Variants in PHLDB1 observed in about 807,000 individuals in gnomAD.
The protein encoded by PHLDB1 is pleckstrin homology like domain family B member 1.
In PHLDB1, 65 loss-of-function variants were observed where a neutral mutation model predicts 139.3. The observed-to-expected ratio is 0.47, with a 90% CI of 0.38 to 0.57. The LOEUF is 0.57. Among genes scored for constraint, PHLDB1 ranks in the 20% least tolerant of loss-of-function variants. PHLDB1 has a pLI of 0.00. For missense variants in PHLDB1, 1,624 were observed against 1,839.7 expected, an observed-to-expected ratio of 0.88 and a Z score of 2.14; for synonymous variants, 679 against 734.5, an observed-to-expected ratio of 0.92 and a Z score of 1.22.
intron 6 of PHLDB1, among the ~76,000 whole-genome samples, chr11:118,630,529 T>A (rs1240888636): frequency 6.6e-6 from 1 of 152,240 alleles, no homozygotes; most frequent in Non-Finnish European, 1.5e-5. Context: ...TGGTTGGGTG[T>A]CTGGTCCCTG....
At chr11:118,614,386 C>T (rs1314644905) in intron 2 of PHLDB1, among the ~76,000 whole-genome samples, 173 bp from the exon 3 acceptor site, 2 of 151,526 alleles carry the variant, frequency 1.3e-5, no homozygotes, top group African/African-American at 4.9e-5. Context: ...AGATTCAGAT[C>T]TAATTACAAT....
At chr11:118,642,905 G>A (rs541425900) in intron 13 of PHLDB1, among the ~76,000 whole-genome samples, 1 of 152,244 alleles carries the variant, frequency 6.6e-6, no homozygotes, top group African/African-American at 2.4e-5. Flanking sequence ...CCTCAGAGTT[G>A]CCATGGAGGG....
At chr11:118,614,530 T>C in intron 2 of PHLDB1, 29 bp from the exon 3 acceptor site, 5 of 1,612,482 alleles carry the variant, frequency 3.1e-6, no homozygotes, top group Non-Finnish European at 4.2e-6. Context: ...AATCTAATGA[T>C]GCTTGTCCTC....
chr11:118,645,669 C>T lies in PHLDB1; in HGVS notation c.3416+19C>T. ...TGTCCAGGTACACCCGACGCCTGGG[C>T]CCGCAGCCTCCCTCAGCCACCGCCT... On this transcript the variant is annotated intron_variant, in intron 16 of 22. Coordinates refer to ENST00000600882, the MANE Select transcript of PHLDB1 (RefSeq NM_001144758.3). The surrounding 1 kb of genome is among the most constrained non-coding windows in gnomAD (Gnocchi z 5.1). 6.2e-7 allele frequency: 1 copy of T among 1,613,342 alleles called. No individual in the cohort carries two copies. Among genetic ancestry groups the T allele is most frequent in the South Asian group, 1.1e-5 (1 of 91,062 alleles).
chr11:118,650,373 A>C lies in PHLDB1; in HGVS notation c.3772-72A>C, dbSNP rs2136979184. 1 of 1,110,094 alleles carries C rather than the reference A, an allele frequency of 9.0e-7. No individual in the cohort carries two copies. The highest frequency in any genetic ancestry group is 2.3e-5 in the East Asian group (1 of 42,578). 68.8% of individuals were successfully genotyped at this position (1,110,094 alleles called of 1,614,324 possible). ...GGGACAATCCCCCATGAATACAGGC[A>C]CAGGCGATGGCACACACTTAAGGCT... On this transcript the variant is annotated intron_variant, in intron 19 of 22. Coordinates refer to ENST00000600882, the MANE Select transcript of PHLDB1 (RefSeq NM_001144758.3). The surrounding 1 kb of genome is among the most constrained non-coding windows in gnomAD (Gnocchi z 4.7).
intron 6 of PHLDB1, chr11:118,630,032 T>G: frequency 9.6e-7 from 1 of 1,045,460 alleles, no homozygotes; most frequent in South Asian, 1.6e-5. Flanking sequence ...GTTCCGGTTT[T>G]TTTTTTTTTT....
At chr11:118,621,125 T>A (rs967129353) in intron 4 of PHLDB1, among the ~76,000 whole-genome samples, 5 of 152,068 alleles carry the variant, frequency 3.3e-5, no homozygotes, top group Admixed American at 6.5e-5. Context: ...CTCCTGGCTC[T>A]TCACTCTGGC....
rs984493876 is a variant in PHLDB1 at position 118,638,874 on chromosome 11, C to T, written c.2536-17C>T. The T allele has an allele frequency of 6.3e-7, 1 of 1,585,322 alleles. No individual in the cohort carries two copies. Among genetic ancestry groups the T allele is most frequent in the Middle Eastern group, 1.7e-4 (1 of 5,738 alleles). ...CCTGTCTCCCCAGGGCCTGATCAAC[C>T]ACCCCATCTCCTTTAGGAGCGCCTG... On this transcript the variant is annotated splice_polypyrimidine_tract_variant and intron_variant, in intron 10 of 22. Coordinates refer to ENST00000600882, the MANE Select transcript of PHLDB1 (RefSeq NM_001144758.3).
In PHLDB1 at chr11:118,647,962, G is replaced by A; in HGVS notation, c.3540G>A (p.Leu1180=). Residue 1180 remains leucine, a synonymous_variant, in exon 18 of 23, where the codon CTG becomes CTA. Coordinates refer to ENST00000600882, the MANE Select transcript of PHLDB1 (RefSeq NM_001144758.3). ...EREMELRRQA[L]EEERRRREQV... ...AGATGGAGCTGCGGCGGCAGGCCCT[G>A]GAGGAGGAGCGGCGGAGGCGTGAGC... The A allele has an allele frequency of 1.3e-6, 2 of 1,588,794 alleles. No individual in the cohort carries two copies. Among genetic ancestry groups the A allele is most frequent in the South Asian group, 2.3e-5 (2 of 87,670 alleles).
chr11:118,656,787 C>T lies in PHLDB1; in HGVS notation c.4098C>T (p.Val1366=). Residue 1366 remains valine, a synonymous_variant, in exon 23 of 23, where the codon GTC becomes GTT. Coordinates refer to ENST00000600882, the MANE Select transcript of PHLDB1 (RefSeq NM_001144758.3). Reference sequence around the variant, plus strand: ...TGCGTATCTGGATGGATGTCATTGTCACAGGGGCTGAGGGCTACACTCAGT... The same window carrying T: ...TGCGTATCTGGATGGATGTCATTGTTACAGGGGCTGAGGGCTACACTCAGT... ...EAMRIWMDVI[V]TGAEGYTQFM... 1 of 1,614,076 alleles carries T rather than the reference C, an allele frequency of 6.2e-7. No homozygotes were observed.
chr11:118,613,271 T>G (rs1591443431), intron 1 of PHLDB1: 1 of 984,848 alleles, frequency 1.0e-6, no homozygotes. Flanking sequence ...ATGGCTGAGT[T>G]TTTCTTTTGT....
At chr11:118,613,395 G>T (rs961640378) in intron 1 of PHLDB1, 1 of 987,912 alleles carries the variant, frequency 1.0e-6, no homozygotes, top group Non-Finnish European at 1.2e-6. Context: ...CCTACCTGGG[G>T]GCCCTCTGGC....
In PHLDB1 at chr11:118,658,025, G is replaced by A. The variant is rs1565520769; in HGVS notation, c.*1202G>A. 3 of 522,712 alleles carry A rather than the reference G, an allele frequency of 5.7e-6. No homozygotes were observed. Among genetic ancestry groups the A allele is most frequent in the East Asian group, 3.0e-5 (1 of 33,192 alleles). 32.4% of individuals were successfully genotyped at this position (522,712 alleles called of 1,614,324 possible). On this transcript the variant is annotated 3_prime_UTR_variant, in exon 23 of 23. Coordinates refer to ENST00000600882, the MANE Select transcript of PHLDB1 (RefSeq NM_001144758.3). ...CAGAACAATAAAGCCTTTGGACTAC[G>A]GAAGTGAGTGGAAGGCCGGTGTGGG...
chr11:118,630,028 G>GTTT lies in PHLDB1; in HGVS notation c.1828-1163_1828-1161dup, dbSNP rs10578316. On this transcript the variant is annotated intron_variant, in intron 6 of 22. Coordinates refer to ENST00000600882, the MANE Select transcript of PHLDB1 (RefSeq NM_001144758.3). ...TCCCAGGTGCCGAGGCTCTGTTCCG[G>GTTT]TTTTTTTTTTTTTTTTTTGCCATGG... The GTTT allele has an allele frequency of 4.2e-4, 504 of 1,195,642 alleles. 4 individuals carry two copies. The highest frequency in any genetic ancestry group is 1.8e-3 in the South Asian group (133 of 74,114). The allele number at this position is 1,195,642 out of a possible 1,614,324, so 74.1% of individuals were successfully genotyped here. A position where few individuals can be genotyped will look rare whatever the true frequency, so the allele number is the denominator to read the frequency against.
intron 9 of PHLDB1, chr11:118,634,680 C>T (rs1945321972): frequency 2.2e-5 from 5 of 225,442 alleles, no homozygotes. Context: ...GGCCCTCTCC[C>T]TCTTCACCTC....
chr11:118,625,972 C>T (rs958180491), intron 5 of PHLDB1, among the ~76,000 whole-genome samples: 1 of 152,310 alleles, frequency 6.6e-6, no homozygotes, highest in East Asian at 1.9e-4. Flanking sequence ...TTTTACCCTG[C>T]CCCCACCCCA....
Position 118,611,841 on chromosome 11 carries a change from T to A in PHLDB1, c.-21-1975T>A, listed in dbSNP as rs1301206152. Among the ~76,000 whole-genome samples the A allele has an allele frequency of 2.0e-5, 3 of 150,330 alleles. No individual in the cohort carries two copies. Among genetic ancestry groups the A allele is most frequent in the Non-Finnish European group, 4.4e-5 (3 of 67,634 alleles). On this transcript the variant is annotated intron_variant, in intron 1 of 22. Coordinates refer to ENST00000600882, the MANE Select transcript of PHLDB1 (RefSeq NM_001144758.3). This position sits in a 1 kb window ranked among gnomAD's most constrained non-coding sequence, Gnocchi z 4.7. ...CTCAAAAAAAAAAAAAAAATAATAA[T>A]AATAATAATAAATGGCATTAAGTGC...
rs973388720 is a variant in PHLDB1 at position 118,608,611 on chromosome 11, G to A, written c.-22+912G>A. On this transcript the variant is annotated intron_variant, in intron 1 of 22. Coordinates refer to ENST00000600882, the MANE Select transcript of PHLDB1 (RefSeq NM_001144758.3). The surrounding 1 kb of genome is among the most constrained non-coding windows in gnomAD (Gnocchi z 6.7). ...TAGCTCAGCGGTCCTGGAGCCTCCC[G>A]AGGCTGACTCATCGGGCGGCGGGCT... 1.3e-5 allele frequency among the ~76,000 whole-genome samples: 2 copies of A among 152,070 alleles called. No homozygotes were observed. Among genetic ancestry groups the A allele is most frequent in the Non-Finnish European group, 2.9e-5 (2 of 67,970 alleles).
At position 118,650,609 on chromosome 11, in the gene PHLDB1, C is replaced by A; in HGVS notation, c.3874+62C>A. Reference sequence around the variant, plus strand: ...GATCCCTGGGCTCTGTTACCCAGGACGGCTGGTCTTCTAGAAGGAGGCCAA... The same window carrying A: ...GATCCCTGGGCTCTGTTACCCAGGAAGGCTGGTCTTCTAGAAGGAGGCCAA... On this transcript the variant is annotated intron_variant, in intron 20 of 22. Transcript: ENST00000600882. The surrounding 1 kb of genome is among the most constrained non-coding windows in gnomAD (Gnocchi z 4.7). The A allele has an allele frequency of 1.7e-6, 2 of 1,177,898 alleles. No individual in the cohort carries two copies. Among genetic ancestry groups the A allele is most frequent in the Non-Finnish European group, 1.3e-6 (1 of 784,958 alleles). 73.0% of individuals were successfully genotyped at this position (1,177,898 alleles called of 1,614,324 possible). A position where few individuals can be genotyped will look rare whatever the true frequency, so the allele number is the denominator to read the frequency against.
Sources: allele counts gnomAD v4.1 joint callset (sites outside exome capture counted in the v4.1 genomes callset), GRCh38; gene constraint gnomAD v4.1.1; non-coding constraint Gnocchi (gnomAD v3.1); transcripts MANE v1.5; gene names NCBI Gene and HGNC (gene_info 2026-07-23, HGNC 2026-07-21).